PRKN: variants seen among roughly 807,000 people sequenced by gnomAD.
PRKN encodes parkin RBR E3 ubiquitin protein ligase.
Under a neutral mutation model 59.5 loss-of-function variants are expected in PRKN, and 56 were observed. That is an observed-to-expected ratio of 0.94 (90% CI 0.76 to 1.18). The LOEUF (loss-of-function observed/expected upper bound fraction) is 1.18, where lower values mean the gene tolerates loss of function less well. PRKN is among the 50% of genes most tolerant of loss of function. PRKN has a pLI of 0.00. For missense variants in PRKN, 657 were observed against 596.4 expected, an observed-to-expected ratio of 1.10 and a Z score of -1.06; for synonymous variants, 250 against 222.1, an observed-to-expected ratio of 1.13 and a Z score of -1.12.
intron 4 of PRKN, among the ~76,000 whole-genome samples, chr6:162,090,831 G>A (rs909337598): frequency 2.0e-5 from 3 of 152,094 alleles, no homozygotes; most frequent in Admixed American, 2.0e-4. Context: ...GAAAATGCTA[G>A]ACCCTAAGAT....
intron 5 of PRKN, among the ~76,000 whole-genome samples, chr6:162,015,759 G>A (rs985255522): frequency 1.4e-4 from 21 of 152,114 alleles, no homozygotes; most frequent in African/African-American, 4.6e-4. Flanking sequence ...ATGGTAAGCC[G>A]AGAACTTTCA....
intron 4 of PRKN, among the ~76,000 whole-genome samples, chr6:162,093,052 G>A (rs370210379): frequency 3.3e-5 from 5 of 152,172 alleles, no homozygotes; most frequent in African/African-American, 4.8e-5. Context: ...TCAGGCTTGC[G>A]TTCTAGCTAA....
At chr6:161,844,609 T>C (rs1583237076) in intron 6 of PRKN, among the ~76,000 whole-genome samples, 1 of 152,256 alleles carries the variant, frequency 6.6e-6, no homozygotes, top group East Asian at 1.9e-4. Flanking sequence ...TTTTTAAGGC[T>C]AATTTAAAGA....
chr6:162,448,950 C>G (rs760138546), intron 1 of PRKN, among the ~76,000 whole-genome samples: 1 of 151,520 alleles, frequency 6.6e-6, no homozygotes, highest in African/African-American at 2.4e-5. Flanking sequence ...TGCAGTGGCA[C>G]GATCTCAGCT....
At chr6:162,454,070 T>C (rs1790751185) in intron 1 of PRKN, among the ~76,000 whole-genome samples, 1 of 152,174 alleles carries the variant, frequency 6.6e-6, no homozygotes, top group Non-Finnish European at 1.5e-5. Context: ...ATAATAATCA[T>C]AGTATCTACC....
At chr6:161,606,899 C>A (rs765843299) in intron 7 of PRKN, among the ~76,000 whole-genome samples, 1 of 152,218 alleles carries the variant, frequency 6.6e-6, no homozygotes, top group Non-Finnish European at 1.5e-5. Flanking sequence ...ACAAAATGTT[C>A]TTTTCCCAGA....
At chr6:162,181,465 T>C (rs1200118900) in intron 4 of PRKN, among the ~76,000 whole-genome samples, 3 of 152,092 alleles carry the variant, frequency 2.0e-5, no homozygotes, top group Non-Finnish European at 4.4e-5. Context: ...CCACACATAG[T>C]AGGTATTAAA....
chr6:162,701,303 T>C (rs1001610292), intron 1 of PRKN, among the ~76,000 whole-genome samples: 3 of 152,156 alleles, frequency 2.0e-5, no homozygotes, highest in Non-Finnish European at 4.4e-5. Flanking sequence ...GGGACTTCTG[T>C]AAAAGACCTT....
chr6:162,584,485 CAG>C (rs1213911316), intron 1 of PRKN, among the ~76,000 whole-genome samples: 2 of 152,018 alleles, frequency 1.3e-5, no homozygotes, highest in Admixed American at 1.3e-4. Context: ...TGATTAGAGA[CAG>C]GGTATTTCAA....
chr6:162,336,695 C>G (rs1783861272), intron 2 of PRKN, among the ~76,000 whole-genome samples: 1 of 152,152 alleles, frequency 6.6e-6, no homozygotes, highest in African/African-American at 2.4e-5. Flanking sequence ...ACAAATTAAT[C>G]TCCACATCAG....
At position 161,362,050 on chromosome 6, in the gene PRKN, T is replaced by C. The variant is rs1276564296; in HGVS notation, c.1168-1845A>G. On this transcript the variant is annotated intron_variant, in intron 10 of 11. Coordinates refer to ENST00000366898, the MANE Select transcript of PRKN (RefSeq NM_004562.3). This position sits in a 1 kb window ranked among gnomAD's most constrained non-coding sequence, Gnocchi z 5.2. ...TTTCAGGTCTAGGGCTCTGTAGCTC[T>C]GCAGCAATGGTTTAGATTGCTTGTT... 6.6e-6 allele frequency among the ~76,000 whole-genome samples: 1 copy of C among 152,194 alleles called. No individual in the cohort carries two copies. Among genetic ancestry groups the C allele is most frequent in the African/African-American group, 2.4e-5 (1 of 41,458 alleles).
chr6:162,510,754 T>C (rs1390703394), intron 1 of PRKN, among the ~76,000 whole-genome samples: 3 of 151,926 alleles, frequency 2.0e-5, no homozygotes, highest in Non-Finnish European at 2.9e-5. Flanking sequence ...AAACCCTGTA[T>C]CTACTAAAAA....
chr6:161,721,537 A>G (rs1787220813), intron 7 of PRKN, among the ~76,000 whole-genome samples: 1 of 152,254 alleles, frequency 6.6e-6, no homozygotes, highest in South Asian at 2.1e-4. Context: ...ATAAAATAAT[A>G]AAAAGTAATA....
At chr6:162,661,483 C>T (rs1778876984) in intron 1 of PRKN, among the ~76,000 whole-genome samples, 3 of 152,100 alleles carry the variant, frequency 2.0e-5, no homozygotes, top group Admixed American at 6.5e-5. Flanking sequence ...ACAGTTCCCA[C>T]GGACAATGAG....
At chr6:161,934,693 T>C (rs1779288624) in intron 6 of PRKN, among the ~76,000 whole-genome samples, 1 of 152,200 alleles carries the variant, frequency 6.6e-6, no homozygotes, top group Non-Finnish European at 1.5e-5. Flanking sequence ...CTCTATGTTT[T>C]ATGCTTGTAT....
In PRKN at chr6:161,752,816, C is replaced by T. The variant is rs528434082; in HGVS notation, c.871+32956G>A. Reference sequence around the variant, plus strand: ...AAGTTCAGTAAACAGATACTAGAGGCTTGGACTAGAGTGGTGGCCCAAAGA... The same window carrying T: ...AAGTTCAGTAAACAGATACTAGAGGTTTGGACTAGAGTGGTGGCCCAAAGA... On this transcript the variant is annotated intron_variant, in intron 7 of 11. Transcript: ENST00000366898. 4.6e-5 allele frequency among the ~76,000 whole-genome samples: 7 copies of T among 152,256 alleles called. No homozygotes were observed. In the South Asian group the frequency reaches 1.5e-3, roughly 32 times the overall value.
chr6:162,660,075 T>A (rs552424504), intron 1 of PRKN, among the ~76,000 whole-genome samples: 24 of 152,320 alleles, frequency 1.6e-4, no homozygotes, highest in African/African-American at 5.5e-4. Context: ...ACTACTAGAA[T>A]GTTGAAAGAA....
rs908814796 is a variant in PRKN, at chr6:161,372,638, A to C, written c.1168-12433T>G. On this transcript the variant is annotated intron_variant, in intron 10 of 11. Coordinates refer to ENST00000366898, the MANE Select transcript of PRKN (RefSeq NM_004562.3). This position sits in a 1 kb window ranked among gnomAD's most constrained non-coding sequence, Gnocchi z 4.2. ...CGGCTCTCAGACCAGCGGCACCGGA[A>C]GCGCTTGTGCTGTGGCTCCCCCACT... is the stretch of plus-strand genomic sequence containing the variant. Among the ~76,000 whole-genome samples the C allele has an allele frequency of 6.6e-6, 1 of 152,136 alleles. No homozygotes were observed. The highest frequency in any genetic ancestry group is 1.5e-5 in the Non-Finnish European group (1 of 68,032).
intron 2 of PRKN, among the ~76,000 whole-genome samples, chr6:162,343,337 C>A (rs73028961): frequency 0.019 from 2,951 of 152,280 alleles, 42 homozygotes; most frequent in Non-Finnish European, 0.032. Flanking sequence ...ATTCTCCACC[C>A]CTTTCTGGCT....
Sources: allele counts gnomAD v4.1 joint callset (sites outside exome capture counted in the v4.1 genomes callset), GRCh38; gene constraint gnomAD v4.1.1; non-coding constraint Gnocchi (gnomAD v3.1); transcripts MANE v1.5; gene names NCBI Gene and HGNC (gene_info 2026-07-23, HGNC 2026-07-21).